The following KIF26B variants were observed in gnomAD, a reference collection of about 807,000 sequenced individuals.
KIF26B encodes the protein kinesin-like protein KIF26B.
In KIF26B, 63 loss-of-function variants were observed where a neutral mutation model predicts 151.2. The observed-to-expected ratio is 0.42, with a 90% CI of 0.34 to 0.51. The LOEUF (loss-of-function observed/expected upper bound fraction) is 0.51, where lower values mean the gene tolerates loss of function less well. Among genes scored for constraint, KIF26B ranks in the 20% least tolerant of loss-of-function variants. KIF26B has a pLI of 0.07. For missense variants in KIF26B, 2,813 were observed against 2,913.6 expected, an observed-to-expected ratio of 0.97 and a Z score of 0.79; for synonymous variants, 1,357 against 1,262.1, an observed-to-expected ratio of 1.08 and a Z score of -1.59.
intron 2 of KIF26B, among the ~76,000 whole-genome samples, chr1:245,277,630 AC>A (rs1670962662): frequency 6.6e-6 from 1 of 151,994 alleles, no homozygotes; most frequent in African/African-American, 2.4e-5. Context: ...AAACAAACAA[AC>A]AAAAACCACT....
chr1:245,287,492 C>CTTTTTTTTTTTTTTTTTTTTTTTTTT (rs1217976453), intron 2 of KIF26B, among the ~76,000 whole-genome samples: 1 of 136,550 alleles, frequency 7.3e-6, no homozygotes, highest in African/African-American at 2.8e-5. Flanking sequence ...TCTCATCTCT[C>CTTTTTTTTTTTTTTTTTTTTTTTTTT]TCTCTCTTTT....
At chr1:245,624,076 C>A (rs947810605) in intron 9 of KIF26B, among the ~76,000 whole-genome samples, 1 of 152,096 alleles carries the variant, frequency 6.6e-6, no homozygotes, top group East Asian at 1.9e-4. Context: ...CCTGCTCACT[C>A]GCTCTCTCTC....
chr1:245,177,055 AG>A (rs1668820771), intron 2 of KIF26B, among the ~76,000 whole-genome samples: 1 of 152,192 alleles, frequency 6.6e-6, no homozygotes, highest in Non-Finnish European at 1.5e-5. Context: ...CTCTGGCTCA[AG>A]CGATCTGCTT....
intron 3 of KIF26B, among the ~76,000 whole-genome samples, chr1:245,391,116 C>A (rs1369671267): frequency 6.6e-6 from 1 of 152,008 alleles, no homozygotes. Flanking sequence ...AATGGGTCAA[C>A]GTCTGGAAGA....
At chr1:245,496,678 C>T (rs1660518929) in intron 4 of KIF26B, among the ~76,000 whole-genome samples, 1 of 152,064 alleles carries the variant, frequency 6.6e-6, no homozygotes, top group African/African-American at 2.4e-5. Flanking sequence ...AAGATGGTAG[C>T]TATAAACTCA....
chr1:245,517,742 G>A (rs1357093004), intron 4 of KIF26B, among the ~76,000 whole-genome samples: 2 of 152,176 alleles, frequency 1.3e-5, no homozygotes, highest in Admixed American at 1.3e-4. Context: ...CGGAGGGAAG[G>A]AGTCATATTA....
At position 245,517,144 on chromosome 1, in the gene KIF26B, G is replaced by A. The variant is rs143203844; in HGVS notation, c.1167-23623G>A. Among the ~76,000 whole-genome samples, 360 of 152,308 alleles carry A rather than the reference G, an allele frequency of 2.4e-3. 1 individual carries two copies. Among genetic ancestry groups the A allele is most frequent in the Non-Finnish European group, 4.2e-3 (284 of 68,026 alleles). On this transcript the variant is annotated intron_variant, in intron 4 of 14. Coordinates refer to ENST00000407071, the MANE Select transcript of KIF26B (RefSeq NM_018012.4). ...CGCCAAGGCGGGCAGATCACTTGAGGTCAGGAGTTCGAGACCAGCCTGGTC... is the reference window on the plus strand; with the variant it reads ...CGCCAAGGCGGGCAGATCACTTGAGATCAGGAGTTCGAGACCAGCCTGGTC...
chr1:245,371,146 C>T (rs990455162), intron 3 of KIF26B, among the ~76,000 whole-genome samples: 1 of 152,160 alleles, frequency 6.6e-6, no homozygotes, highest in Non-Finnish European at 1.5e-5. Flanking sequence ...TGCATTTCCC[C>T]TCAGTAATGA....
chr1:245,237,864 A>C (rs1670143042), intron 2 of KIF26B, among the ~76,000 whole-genome samples: 1 of 151,856 alleles, frequency 6.6e-6, no homozygotes, highest in Non-Finnish European at 1.5e-5. Flanking sequence ...TCTGCTAAGT[A>C]AATAAGTAAA....
chr1:245,374,505 C>T (rs1407649635), intron 3 of KIF26B, among the ~76,000 whole-genome samples: 3 of 152,054 alleles, frequency 2.0e-5, no homozygotes, highest in African/African-American at 4.8e-5. Flanking sequence ...CCACGTTCTT[C>T]GCAGCTCTTG....
chr1:245,637,363 T>TG (rs1203582309), intron 9 of KIF26B, among the ~76,000 whole-genome samples: 1 of 152,002 alleles, frequency 6.6e-6, no homozygotes, highest in Non-Finnish European at 1.5e-5. Context: ...TTGGATTATC[T>TG]GGGGGGTTTT....
chr1:245,252,367 C>A (rs547585295), intron 2 of KIF26B, among the ~76,000 whole-genome samples: 1 of 151,514 alleles, frequency 6.6e-6, no homozygotes, highest in South Asian at 2.1e-4. Context: ...TTCTTTATTA[C>A]CTTTCGGTAA....
At chr1:245,182,723 C>T (rs1340537716) in intron 2 of KIF26B, among the ~76,000 whole-genome samples, 1 of 152,112 alleles carries the variant, frequency 6.6e-6, no homozygotes, top group Non-Finnish European at 1.5e-5. Context: ...GCAACCTCCA[C>T]CTCCTGGGTT....
intron 4 of KIF26B, among the ~76,000 whole-genome samples, chr1:245,458,192 C>T (rs55970208): frequency 0.028 from 4,197 of 152,122 alleles, 192 homozygotes; most frequent in African/African-American, 0.096. Flanking sequence ...TAGCAAGTGC[C>T]GGAGCCCACT....
intron 2 of KIF26B, among the ~76,000 whole-genome samples, chr1:245,168,891 T>G (rs1284822801): frequency 2.6e-5 from 4 of 152,214 alleles, no homozygotes; most frequent in Admixed American, 2.6e-4. Context: ...GATTTTTATT[T>G]TTCTCTTTAA....
Position 245,563,445 on chromosome 1 carries a change from C to T in KIF26B, c.1350+22495C>T, listed in dbSNP as rs1384765423. Among the ~76,000 whole-genome samples the T allele has an allele frequency of 3.9e-5, 6 of 152,202 alleles. No individual in the cohort carries two copies. The highest frequency in any genetic ancestry group is 1.3e-4 in the Admixed American group (2 of 15,280). On this transcript the variant is annotated intron_variant, in intron 5 of 14. Coordinates refer to ENST00000407071, the MANE Select transcript of KIF26B (RefSeq NM_018012.4). The surrounding 1 kb of genome is among the most constrained non-coding windows in gnomAD (Gnocchi z 4.6). ...CCTCTTGCTCCCGAATCATTAAGAA[C>T]TCCTGCCCATTGGATGATGTTGCTG... is the stretch of plus-strand genomic sequence containing the variant.
intron 10 of KIF26B, among the ~76,000 whole-genome samples, chr1:245,649,028 C>T (rs2043983879): frequency 6.6e-6 from 1 of 152,170 alleles, no homozygotes; most frequent in Admixed American, 6.5e-5. Context: ...AACACGGTGG[C>T]CCTGGCCATC....
At chr1:245,157,401 A>G (rs1162966584) in intron 2 of KIF26B, among the ~76,000 whole-genome samples, 1 of 152,234 alleles carries the variant, frequency 6.6e-6, no homozygotes, top group East Asian at 1.9e-4. Context: ...GCCACTTCAA[A>G]GAGTTTTTAT....
intron 5 of KIF26B, among the ~76,000 whole-genome samples, chr1:245,556,980 G>A (rs1037916709): frequency 1.6e-4 from 25 of 152,106 alleles, no homozygotes; most frequent in African/African-American, 6.0e-4. Flanking sequence ...CCACCTGAGA[G>A]TTACATTATG....
Sources: allele counts gnomAD v4.1 joint callset (sites outside exome capture counted in the v4.1 genomes callset), GRCh38; gene constraint gnomAD v4.1.1; non-coding constraint Gnocchi (gnomAD v3.1); transcripts MANE v1.5; gene names NCBI Gene and HGNC (gene_info 2026-07-23, HGNC 2026-07-21).